Variants in TNS3 observed in about 807,000 individuals in gnomAD.
TNS3 encodes the protein tensin 3.
TNS3 carries 45 observed loss-of-function variants against 140.9 expected under a neutral mutation model. That is an observed-to-expected ratio of 0.32 (90% CI 0.25 to 0.41). The LOEUF (loss-of-function observed/expected upper bound fraction) is 0.41, where lower values mean the gene tolerates loss of function less well. Ranked by LOEUF, TNS3 falls within the 10% of genes least tolerant of loss-of-function variation. The probability of loss-of-function intolerance (pLI) is 1.00; values close to 1 mark genes in which losing one functional copy is unlikely to be tolerated. For missense variants in TNS3, 1,716 were observed against 1,906.7 expected, an observed-to-expected ratio of 0.90 and a Z score of 1.86; for synonymous variants, 815 against 788.4, an observed-to-expected ratio of 1.03 and a Z score of -0.56.
Position 47,368,721 on chromosome 7 carries a change from G to T in TNS3, c.1925C>A (p.Ala642Asp). The change falls in exon 17 of 31, where the codon GCT (alanine) becomes GAT (aspartate). Residue 642 changes from alanine (A) to aspartate (D), a missense_variant. By Grantham distance (126) the Ala-to-Asp change is moderately radical (BLOSUM62 -2). Transcript: ENST00000311160. ...TPTRGTSSRVAVQRGVGSGPH... is the reference protein window; with the variant it reads ...TPTRGTSSRVDVQRGVGSGPH... ...CCCACTGCCTACACCCCTCTGGACA[G>T]CCACCCTACTGCTGGTCCCTCGGGT... is the stretch of plus-strand genomic sequence containing the variant. 1 of 1,577,776 alleles carries T rather than the reference G, an allele frequency of 6.3e-7. No individual in the cohort carries two copies. Among genetic ancestry groups the T allele is most frequent in the Non-Finnish European group, 8.6e-7 (1 of 1,161,492 alleles).
At chr7:47,507,794 T>A (rs1798474551) in intron 2 of TNS3, among the ~76,000 whole-genome samples, 2 of 152,056 alleles carry the variant, frequency 1.3e-5, no homozygotes, top group Admixed American at 1.3e-4. Context: ...CTGTGCCAGC[T>A]CCAAGGGAAC....
chr7:47,533,394 C>T (rs375558637), intron 1 of TNS3, among the ~76,000 whole-genome samples: 6 of 149,032 alleles, frequency 4.0e-5, no homozygotes, highest in Non-Finnish European at 7.4e-5. Flanking sequence ...CCTCCCAAAG[C>T]GCTGGGATTA....
At chr7:47,441,036 T>C (rs2151572544) in intron 5 of TNS3, among the ~76,000 whole-genome samples, 1 of 152,300 alleles carries the variant, frequency 6.6e-6, no homozygotes, top group South Asian at 2.1e-4. Context: ...CCAGATACTA[T>C]GTAATTTCAT....
intron 3 of TNS3, among the ~76,000 whole-genome samples, chr7:47,505,309 C>G (rs1798373603): frequency 6.6e-6 from 1 of 152,260 alleles, no homozygotes; most frequent in African/African-American, 2.4e-5. Context: ...TCCCACACCA[C>G]TGAAGGTGCA....
chr7:47,521,356 T>C (rs1798971977), intron 2 of TNS3, among the ~76,000 whole-genome samples: 1 of 152,196 alleles, frequency 6.6e-6, no homozygotes, highest in African/African-American at 2.4e-5. Context: ...GGCATCGCAA[T>C]GCACCAGCTG....
At chr7:47,413,251 CTTTTT>C (rs71003398) in intron 12 of TNS3, among the ~76,000 whole-genome samples, 13 of 52,904 alleles carry the variant, frequency 2.5e-4, no homozygotes, top group African/African-American at 9.1e-4. Flanking sequence ...CAAGCCTGGC[CTTTTT>C]TTTTTTTTTT....
At chr7:47,467,445 T>C (rs1157903635) in intron 4 of TNS3, among the ~76,000 whole-genome samples, 1 of 152,244 alleles carries the variant, frequency 6.6e-6, no homozygotes. Flanking sequence ...TGTTTCCTGA[T>C]ACTCTCGGGA....
At chr7:47,454,630 G>A (rs996075337) in intron 4 of TNS3, among the ~76,000 whole-genome samples, 3 of 152,168 alleles carry the variant, frequency 2.0e-5, no homozygotes, top group Non-Finnish European at 4.4e-5. Context: ...CAGCTGGGCA[G>A]GGTGTGGCAC....
In TNS3 at chr7:47,349,209, CA is replaced by C. The variant is rs367917995; in HGVS notation, c.2282-2854del. 6.9e-3 allele frequency among the ~76,000 whole-genome samples: 1,043 copies of C among 150,692 alleles called. 18 individuals are homozygous for C. Among genetic ancestry groups the C allele is most frequent in the African/African-American group, 0.024 (1,001 of 41,044 alleles). ...AATGTTCTTCATTCAAAAAGAGTCTCAAAAAAAAATCAATCTTCATTTAAAA... is the reference window on the plus strand; with the variant it reads ...AATGTTCTTCATTCAAAAAGAGTCTCAAAAAAAATCAATCTTCATTTAAAA... On this transcript the variant is annotated intron_variant, in intron 17 of 30. Coordinates refer to ENST00000311160, the MANE Select transcript of TNS3 (RefSeq NM_022748.12).
chr7:47,334,324 G>A (rs1161633356), intron 20 of TNS3, among the ~76,000 whole-genome samples: 1 of 152,294 alleles, frequency 6.6e-6, no homozygotes, highest in African/African-American at 2.4e-5. Flanking sequence ...AATAGAAGTT[G>A]CAAAATATAT....
chr7:47,422,554 T>C (rs1329799441), intron 10 of TNS3, among the ~76,000 whole-genome samples: 1 of 151,906 alleles, frequency 6.6e-6, no homozygotes, highest in Non-Finnish European at 1.5e-5. Context: ...TTGAGGCTGC[T>C]GTGAGCCAAG....
intron 20 of TNS3, among the ~76,000 whole-genome samples, chr7:47,308,974 T>C (rs1261724148): frequency 6.6e-5 from 10 of 152,212 alleles, no homozygotes; most frequent in East Asian, 3.8e-4. Context: ...CTGCAAGTCA[T>C]TGTGGTCCCC....
chr7:47,385,211 A>C (rs1792005744), intron 16 of TNS3, among the ~76,000 whole-genome samples: 1 of 152,124 alleles, frequency 6.6e-6, no homozygotes. Flanking sequence ...CCCTGCCTGA[A>C]CTGAGCTCAG....
chr7:47,360,647 G>C (rs909234361), intron 17 of TNS3, among the ~76,000 whole-genome samples: 9 of 152,204 alleles, frequency 5.9e-5, no homozygotes, highest in African/African-American at 2.2e-4. Flanking sequence ...AGACCATCCA[G>C]AGACAGCCCC....
intron 4 of TNS3, among the ~76,000 whole-genome samples, chr7:47,472,252 C>T (rs1473807095): frequency 6.6e-6 from 1 of 152,220 alleles, no homozygotes; most frequent in Non-Finnish European, 1.5e-5. Flanking sequence ...TCAGGGGTTT[C>T]AGGTGGACAT....
intron 22 of TNS3, 87 bp downstream of exon 22, chr7:47,302,863 T>C: frequency 6.7e-7 from 1 of 1,496,498 alleles, no homozygotes; most frequent in Non-Finnish European, 9.0e-7. Context: ...GCACTAGAGA[T>C]ATGCCAGCTC....
chr7:47,550,788 C>T (rs1367230492), intron 1 of TNS3, among the ~76,000 whole-genome samples: 3 of 152,078 alleles, frequency 2.0e-5, no homozygotes, highest in Non-Finnish European at 4.4e-5. Context: ...GAATGGGATT[C>T]GAATACTATG....
Position 47,337,610 on chromosome 7 carries a change from T to C in TNS3, c.2650+7145A>G, listed in dbSNP as rs573428880. On this transcript the variant is annotated intron_variant, in intron 20 of 30. Coordinates refer to ENST00000311160, the MANE Select transcript of TNS3 (RefSeq NM_022748.12). ...TCCTCCTATCTCTTCTGAAACCATT[T>C]GGTCTGTTCCAGCCCACTGTCCATC... Among the ~76,000 whole-genome samples the C allele has an allele frequency of 2.0e-5, 3 of 152,382 alleles. No individual in the cohort carries two copies. In the South Asian group the frequency reaches 6.2e-4, roughly 32 times the overall value.
chr7:47,322,150 A>T (rs1392089509), intron 20 of TNS3, among the ~76,000 whole-genome samples: 1 of 150,370 alleles, frequency 6.7e-6, no homozygotes, highest in Admixed American at 6.6e-5. Context: ...CTATAGAAGG[A>T]AGCTGATGCA....
Sources: gnomAD v4.1 joint callset for allele counts (sites outside exome capture counted in the v4.1 genomes callset) on GRCh38, gnomAD v4.1.1 for gene constraint, MANE v1.5 for transcripts, NCBI Gene and HGNC (gene_info 2026-07-23, HGNC 2026-07-21) for gene names.